SNX29: variants seen among roughly 807,000 people sequenced by gnomAD.
SNX29 encodes sorting nexin 29, also known as sorting nexin-29.
Under a neutral mutation model 102.1 loss-of-function variants are expected in SNX29, and 78 were observed. The observed-to-expected ratio is 0.76, with a 90% CI of 0.64 to 0.92. The LOEUF is 0.92. Ranked by LOEUF, SNX29 falls within the 40% of genes least tolerant of loss-of-function variation. The pLI is 0.00. For synonymous variants in SNX29, 580 were observed against 414.5 expected (o/e 1.40, Z -4.85); for missense variants, 1,280 against 1,061.7 (o/e 1.21, Z -2.86).
chr16:12,153,465 AAAAAAAAC>A (rs1270964905), intron 13 of SNX29, among the ~76,000 whole-genome samples: 202 of 151,030 alleles, frequency 1.3e-3, no homozygotes, highest in Non-Finnish European at 1.5e-3. Flanking sequence ...TTGTCTCAAA[AAAAAAAAC>A]AAAAAACAAA....
intron 18 of SNX29, among the ~76,000 whole-genome samples, chr16:12,411,958 C>G (rs187399588): frequency 1.3e-5 from 2 of 152,270 alleles, no homozygotes; most frequent in Admixed American, 1.3e-4. Flanking sequence ...CTGGGCATGT[C>G]CCCGTGTTCA....
At chr16:12,499,462 T>G (rs2088999403) in intron 19 of SNX29, among the ~76,000 whole-genome samples, 1 of 152,192 alleles carries the variant, frequency 6.6e-6, no homozygotes, top group Non-Finnish European at 1.5e-5. Flanking sequence ...GAAGGCGTCT[T>G]GGGGATCCTC....
chr16:12,024,695 C>T (rs1174070161), intron 3 of SNX29, among the ~76,000 whole-genome samples: 7 of 152,164 alleles, frequency 4.6e-5, no homozygotes, highest in Non-Finnish European at 8.8e-5. Flanking sequence ...CGCCTGCATT[C>T]CATTCCTCTT....
chr16:12,362,635 C>G (rs2082341630), intron 16 of SNX29, among the ~76,000 whole-genome samples: 1 of 147,024 alleles, frequency 6.8e-6, no homozygotes, highest in African/African-American at 2.5e-5. Context: ...GCCCCCCACC[C>G]AGGGCCTTTG....
chr16:12,558,131 A>G (rs959703078), intron 20 of SNX29, among the ~76,000 whole-genome samples: 1 of 152,234 alleles, frequency 6.6e-6, no homozygotes, highest in Non-Finnish European at 1.5e-5. Context: ...AGCAGCATTC[A>G]GGGATAATCC....
At chr16:12,491,131 T>C (rs1362532010) in intron 19 of SNX29, among the ~76,000 whole-genome samples, 1 of 152,268 alleles carries the variant, frequency 6.6e-6, no homozygotes, top group African/African-American at 2.4e-5. Flanking sequence ...CGATAGTCTA[T>C]GGTGTGACTA....
At chr16:12,543,125 A>T (rs1615250) in intron 20 of SNX29, among the ~76,000 whole-genome samples, 1 of 152,092 alleles carries the variant, frequency 6.6e-6, no homozygotes, top group Admixed American at 6.5e-5. Flanking sequence ...CGTATCTTAT[A>T]GATGGTTTAG....
rs143014393 is a variant in SNX29 at position 12,132,058 on chromosome 16, C to A, written c.1595+2300C>A. On this transcript the variant is annotated intron_variant, in intron 13 of 20. Transcript: ENST00000566228. ...ATAAAGTCTGAAGTCTTTAGAGGTT[C>A]TGGTTCTTAGTCAGCAAAGAGAGAC... Among the ~76,000 whole-genome samples, 453 of 151,478 alleles carry A rather than the reference C, an allele frequency of 3.0e-3. 3 individuals carry two copies. Among genetic ancestry groups the A allele is most frequent in the African/African-American group, 0.01 (428 of 41,286 alleles).
rs532264438 is a variant in SNX29, at chr16:12,551,414, G to A, written c.2319-17092G>A. Reference sequence around the variant, plus strand: ...GGATTGCTTTCAAGTTGGGGTCTCAGCCACAGCTTGCACATTCGATCACCC... The same window carrying A: ...GGATTGCTTTCAAGTTGGGGTCTCAACCACAGCTTGCACATTCGATCACCC... On this transcript the variant is annotated intron_variant, in intron 20 of 20. Coordinates refer to ENST00000566228, the MANE Select transcript of SNX29 (RefSeq NM_032167.5). Among the ~76,000 whole-genome samples the A allele has an allele frequency of 2.4e-4, 37 of 152,304 alleles. 1 individual carries two copies. The highest frequency in any genetic ancestry group is 8.2e-4 in the African/African-American group (34 of 41,580).
intron 11 of SNX29, among the ~76,000 whole-genome samples, chr16:12,093,367 T>C (rs1428945064): frequency 1.3e-5 from 2 of 152,172 alleles, no homozygotes; most frequent in Admixed American, 6.5e-5. Flanking sequence ...CCCAACACTT[T>C]GGGAGGACAA....
chr16:12,135,044 G>A (rs532625658), intron 13 of SNX29, among the ~76,000 whole-genome samples: 22 of 152,286 alleles, frequency 1.4e-4, no homozygotes, highest in African/African-American at 4.6e-4. Flanking sequence ...CAGGAGTGCC[G>A]AGGGCAGGGG....
chr16:12,078,919 A>G lies in SNX29; in HGVS notation c.1402+4A>G, dbSNP rs755752679. 2.5e-6 allele frequency: 4 copies of G among 1,596,398 alleles called. No individual in the cohort carries two copies. Among genetic ancestry groups the G allele is most frequent in the Non-Finnish European group, 2.6e-6 (3 of 1,171,458 alleles). ...GTGCCAGAGTCCATGACAATTAGTA[A>G]GTACTTTCGCAGCCCCCTCCACCAG... On this transcript the variant is annotated splice_donor_region_variant and intron_variant, in intron 11 of 20. Transcript: ENST00000566228.
intron 20 of SNX29, among the ~76,000 whole-genome samples, chr16:12,537,226 A>T (rs914758170): frequency 6.6e-6 from 1 of 152,214 alleles, no homozygotes; most frequent in Admixed American, 6.5e-5. Flanking sequence ...CCAGACTGCA[A>T]GGTGCCAGGC....
chr16:12,122,039 C>T (rs370280188), intron 11 of SNX29, among the ~76,000 whole-genome samples: 2 of 152,184 alleles, frequency 1.3e-5, no homozygotes, highest in Non-Finnish European at 2.9e-5. Context: ...TGGTCTTCAT[C>T]TCCTGACCTG....
intron 10 of SNX29, among the ~76,000 whole-genome samples, chr16:12,074,410 A>T (rs1355060451): frequency 1.3e-5 from 2 of 151,760 alleles, no homozygotes; most frequent in Admixed American, 6.6e-5. Flanking sequence ...AAAGTATTTT[A>T]TTTCTCCTTC....
At chr16:12,217,435 G>A (rs1331495368) in intron 14 of SNX29, among the ~76,000 whole-genome samples, 2 of 152,164 alleles carry the variant, frequency 1.3e-5, no homozygotes, top group African/African-American at 4.8e-5. Context: ...TCAGTTCAGT[G>A]GAGACATGTG....
chr16:12,389,428 A>G (rs986071696), intron 16 of SNX29, among the ~76,000 whole-genome samples: 5 of 152,036 alleles, frequency 3.3e-5, no homozygotes, highest in Admixed American at 2.6e-4. Flanking sequence ...AGGGTTTTAT[A>G]AGGAGTTTCC....
intron 11 of SNX29, among the ~76,000 whole-genome samples, chr16:12,093,434 A>ACC (rs111507834): frequency 2.0e-5 from 3 of 151,712 alleles, no homozygotes; most frequent in African/African-American, 4.8e-5. Flanking sequence ...ACATAGTGAG[A>ACC]CCCCCTCTCT....
intron 18 of SNX29, among the ~76,000 whole-genome samples, chr16:12,466,339 CT>C (rs763567340): frequency 3.9e-5 from 6 of 152,212 alleles, no homozygotes; most frequent in Non-Finnish European, 7.3e-5. Context: ...CATACAGAAT[CT>C]GGTGTGTTTA....
Sources: allele counts gnomAD v4.1 joint callset (sites outside exome capture counted in the v4.1 genomes callset), GRCh38; gene constraint gnomAD v4.1.1; transcripts MANE v1.5; gene names NCBI Gene and HGNC (gene_info 2026-07-23, HGNC 2026-07-21).